Variants in NDFIP2 observed in about 807,000 individuals in gnomAD.
The protein encoded by NDFIP2 is Nedd4 family interacting protein 2.
In NDFIP2, 19 loss-of-function variants were observed where a neutral mutation model predicts 36.0. The observed-to-expected ratio is 0.53, with a 90% CI of 0.37 to 0.77. The LOEUF (loss-of-function observed/expected upper bound fraction) is 0.77. Ranked by LOEUF, NDFIP2 falls within the 30% of genes least tolerant of loss-of-function variation. The pLI is 0.00. For missense variants in NDFIP2, 446 were observed against 435.8 expected, an observed-to-expected ratio of 1.02 and a Z score of -0.21; for synonymous variants, 181 against 167.7, an observed-to-expected ratio of 1.08 and a Z score of -0.61.
rs1876041624 is a variant in NDFIP2, at chr13:79,554,724, T to C, written c.*2211T>C. 6.6e-6 allele frequency: 1 copy of C among 151,930 alleles called. No individual in the cohort carries two copies. The highest frequency in any genetic ancestry group is 6.6e-5 in the Admixed American group (1 of 15,228). The allele number at this position is 151,930 out of a possible 1,614,324, so 9.4% of individuals were successfully genotyped here. A position where few individuals can be genotyped will look rare whatever the true frequency, so the allele number is the denominator to read the frequency against. On this transcript the variant is annotated 3_prime_UTR_variant, in exon 8 of 8. Coordinates refer to ENST00000218652, the MANE Select transcript of NDFIP2 (RefSeq NM_019080.3). ...TTCCTGTGAGCTTGAACAGCTGCTG[T>C]TGTGTTTTGGGGATGCTTGATCATC...
intron 1 of NDFIP2, among the ~76,000 whole-genome samples, chr13:79,496,937 T>C (rs1873455817): frequency 6.6e-6 from 1 of 152,060 alleles, no homozygotes; most frequent in Non-Finnish European, 1.5e-5. Flanking sequence ...TAAGGTAATT[T>C]CGCTTTGTTT....
intron 3 of NDFIP2, among the ~76,000 whole-genome samples, chr13:79,538,345 G>C (rs1276172062): frequency 6.6e-6 from 1 of 152,000 alleles, no homozygotes; most frequent in Non-Finnish European, 1.5e-5. Context: ...GAGTCCCCCA[G>C]AATCTTATTC....
At chr13:79,530,041 G>A (rs556999058) in intron 2 of NDFIP2, among the ~76,000 whole-genome samples, 1 of 152,322 alleles carries the variant, frequency 6.6e-6, no homozygotes, top group Admixed American at 6.5e-5. Context: ...GATCATCAGA[G>A]CTTCAGTGAG....
chr13:79,525,837 C>T (rs1442385964), intron 2 of NDFIP2, among the ~76,000 whole-genome samples: 2 of 152,198 alleles, frequency 1.3e-5, no homozygotes, highest in Non-Finnish European at 2.9e-5. Flanking sequence ...CAAAACCGTG[C>T]ATAAGGCAGA....
chr13:79,492,384 A>C (rs1015807531), intron 1 of NDFIP2, among the ~76,000 whole-genome samples: 1 of 151,904 alleles, frequency 6.6e-6, no homozygotes, highest in Non-Finnish European at 1.5e-5. Flanking sequence ...TCAAAAGGGA[A>C]GAGTCTTGAA....
At chr13:79,536,648 A>T (rs1461392849) in intron 3 of NDFIP2, among the ~76,000 whole-genome samples, 2 of 152,172 alleles carry the variant, frequency 1.3e-5, no homozygotes, top group African/African-American at 2.4e-5. Flanking sequence ...TCAATATGCT[A>T]TTGAAACTTA....
intron 5 of NDFIP2, among the ~76,000 whole-genome samples, chr13:79,544,304 A>G (rs140867766): frequency 3.3e-5 from 5 of 152,188 alleles, no homozygotes; most frequent in Non-Finnish European, 7.4e-5. Context: ...TTGTTCCCTG[A>G]AGTCACCCCC....
intron 3 of NDFIP2, among the ~76,000 whole-genome samples, chr13:79,533,685 A>G (rs557844596): frequency 6.6e-6 from 1 of 152,204 alleles, no homozygotes; most frequent in African/African-American, 2.4e-5. Flanking sequence ...GACAAATTGC[A>G]TAGCCTAGAA....
At chr13:79,501,462 ATC>A (rs1226906690) in intron 1 of NDFIP2, among the ~76,000 whole-genome samples, 1 of 151,978 alleles carries the variant, frequency 6.6e-6, no homozygotes, top group Non-Finnish European at 1.5e-5. Flanking sequence ...GTGGATCTAA[ATC>A]TCTAAGAAGT....
intron 1 of NDFIP2, among the ~76,000 whole-genome samples, chr13:79,484,102 G>A (rs930766062): frequency 1.3e-5 from 2 of 151,824 alleles, no homozygotes; most frequent in South Asian, 2.1e-4. Context: ...TGCAACATCC[G>A]CCTCCTGGGT....
chr13:79,518,279 T>A (rs1304915358), intron 1 of NDFIP2, among the ~76,000 whole-genome samples: 1 of 152,204 alleles, frequency 6.6e-6, no homozygotes, highest in Non-Finnish European at 1.5e-5. Flanking sequence ...GATTATTTGG[T>A]TTTTGAATTC....
At chr13:79,514,873 T>C (rs1874217910) in intron 1 of NDFIP2, among the ~76,000 whole-genome samples, 1 of 152,198 alleles carries the variant, frequency 6.6e-6, no homozygotes, top group Non-Finnish European at 1.5e-5. Flanking sequence ...TTCTTCGAAG[T>C]TGTTTGGTTA....
At chr13:79,484,985 A>C (rs529676889) in intron 1 of NDFIP2, among the ~76,000 whole-genome samples, 28 of 152,336 alleles carry the variant, frequency 1.8e-4, no homozygotes, top group Admixed American at 5.2e-4. Flanking sequence ...CAAGCTAATA[A>C]GTTAGTGTGT....
intron 2 of NDFIP2, among the ~76,000 whole-genome samples, chr13:79,529,392 A>AT (rs2137096413): frequency 6.6e-6 from 1 of 152,262 alleles, no homozygotes; most frequent in Admixed American, 6.5e-5. Context: ...TCTTGTTATT[A>AT]TAAAAGATCA....
intron 1 of NDFIP2, among the ~76,000 whole-genome samples, chr13:79,504,054 A>G (rs1181097100): frequency 6.6e-6 from 1 of 152,196 alleles, no homozygotes; most frequent in Non-Finnish European, 1.5e-5. Flanking sequence ...AGATCATTTT[A>G]TAAAATGGCT....
At chr13:79,491,013 T>C (rs1873204495) in intron 1 of NDFIP2, among the ~76,000 whole-genome samples, 1 of 152,212 alleles carries the variant, frequency 6.6e-6, no homozygotes, top group African/African-American at 2.4e-5. Flanking sequence ...TAAATCACTA[T>C]ATCCCATTCA....
chr13:79,510,718 C>T (rs188561052), intron 1 of NDFIP2, among the ~76,000 whole-genome samples: 1 of 152,064 alleles, frequency 6.6e-6, no homozygotes, highest in East Asian at 1.9e-4. Context: ...TGGCCGGGTG[C>T]GGTGGCTCAT....
rs2079809742 is a variant in NDFIP2 at position 79,481,282 on chromosome 13, C to T, written c.79C>T (p.Leu27Phe). The T allele has an allele frequency of 6.5e-7, 1 of 1,538,416 alleles. No homozygotes were observed. Among genetic ancestry groups the T allele is most frequent in the Non-Finnish European group, 8.7e-7 (1 of 1,146,206 alleles). Residue 27 changes from leucine to phenylalanine, a missense_variant, in exon 1 of 8, where the codon CTC becomes TTC. This residue lies in a region of NDFIP2 where 369 missense variants were observed against 304.8 expected (regional missense o/e 1.21). Transcript: ENST00000218652. ...LNSARGAPEL[L>F]RGTATNAEVS... ...TAGCGCGCGCGGCGCCCCGGAGCTT[C>T]TCCGCGGAACCGCGACCAACGCGGA...
In NDFIP2 at chr13:79,548,381, A is replaced by G. The variant is rs748934530; in HGVS notation, c.894A>G (p.Ile298Met). 1 of 1,589,014 alleles carries G rather than the reference A, an allele frequency of 6.3e-7. No individual in the cohort carries two copies. The highest frequency in any genetic ancestry group is 8.6e-7 in the Non-Finnish European group (1 of 1,164,004). ...ATGGACAGTATTGGCTTTGGTGGAT[A>G]TTTCTTGTACTTGGTAAGTTTATTC... ...YFNGQYWLWW[I>M]FLVLGLLLFF... The change falls in exon 6 of 8, where the codon ATA (isoleucine) becomes ATG (methionine). Residue 298 changes from isoleucine (I) to methionine (M), a missense_variant. Around this residue, in one of 2 missense-constraint regions of NDFIP2, gnomAD observed 77 missense variants for 131.0 expected, o/e 0.59. Transcript: ENST00000218652.
Sources: gnomAD v4.1 joint callset for allele counts (sites outside exome capture counted in the v4.1 genomes callset) on GRCh38, gnomAD v4.1.1 for gene constraint, gnomAD v4.1.1 regional missense constraint, MANE v1.5 for transcripts, NCBI Gene and HGNC (gene_info 2026-07-23, HGNC 2026-07-21) for gene names.